SAMD3: variants seen among roughly 807,000 people sequenced by gnomAD.
The protein encoded by SAMD3 is sterile alpha motif domain-containing protein 3.
In SAMD3, 63 loss-of-function variants were observed where a neutral mutation model predicts 58.5. That is an observed-to-expected ratio of 1.08 (90% CI 0.88 to 1.33). The LOEUF (loss-of-function observed/expected upper bound fraction) is 1.33, where lower values mean the gene tolerates loss of function less well. SAMD3 is among the 40% of genes most tolerant of loss of function. The pLI, the probability that SAMD3 is intolerant of heterozygous loss-of-function variation, is 0.00. For synonymous variants in SAMD3, 220 were observed against 210.3 expected (o/e 1.05, Z -0.40); for missense variants, 604 against 608.4 (o/e 0.99, Z 0.08).
At chr6:130,181,620 TA>T (rs1792337727) in intron 7 of SAMD3, among the ~76,000 whole-genome samples, 1 of 152,226 alleles carries the variant, frequency 6.6e-6, no homozygotes, top group South Asian at 2.1e-4. Flanking sequence ...CTCACTTTGA[TA>T]ACCATCAAAC....
intron 2 of SAMD3, among the ~76,000 whole-genome samples, chr6:130,260,202 C>T (rs1027357857): frequency 5.9e-5 from 9 of 152,170 alleles, no homozygotes; most frequent in South Asian, 2.1e-4. Flanking sequence ...GCAGGTAGCC[C>T]GGTGCCTAGG....
chr6:130,186,084 C>T (rs1180137107), intron 5 of SAMD3, among the ~76,000 whole-genome samples: 1 of 152,030 alleles, frequency 6.6e-6, no homozygotes, highest in East Asian at 1.9e-4. Flanking sequence ...ATAAAGTGTC[C>T]AAGTAACAAT....
intron 1 of SAMD3, among the ~76,000 whole-genome samples, chr6:130,347,327 GA>G (rs1352946073): frequency 1.3e-5 from 2 of 151,904 alleles, no homozygotes; most frequent in South Asian, 2.1e-4. Context: ...TAAAAACCTT[GA>G]AAAAAAATTA....
At chr6:130,169,659 G>A (rs777396820) in intron 8 of SAMD3, among the ~76,000 whole-genome samples, 1 of 152,174 alleles carries the variant, frequency 6.6e-6, no homozygotes, top group Non-Finnish European at 1.5e-5. Flanking sequence ...TTCATCTTAG[G>A]ATTCAAGCAT....
chr6:130,184,026 TA>T, intron 7 of SAMD3, 76 bp downstream of exon 7: 1 of 1,130,378 alleles, frequency 8.8e-7, no homozygotes, highest in Non-Finnish European at 1.3e-6. Flanking sequence ...GGGTGAAGCA[TA>T]AAATTACTGG....
chr6:130,162,134 A>T, intron 8 of SAMD3: 1 of 627,996 alleles, frequency 1.6e-6, no homozygotes. Flanking sequence ...TAAAGAGCGT[A>T]TGCTATGCTT....
At chr6:130,344,297 T>C (rs1039892448) in intron 1 of SAMD3, among the ~76,000 whole-genome samples, 6 of 152,242 alleles carry the variant, frequency 3.9e-5, no homozygotes, top group African/African-American at 1.4e-4. Context: ...GGCAAAATCC[T>C]GGAATCTATT....
At chr6:130,315,294 T>G (rs1776324198) in intron 1 of SAMD3, among the ~76,000 whole-genome samples, 1 of 152,092 alleles carries the variant, frequency 6.6e-6, no homozygotes, top group South Asian at 2.1e-4. Context: ...AATGCAAATA[T>G]GGTTTAGAGT....
chr6:130,344,285 T>C (rs571177514), intron 1 of SAMD3, among the ~76,000 whole-genome samples: 4 of 152,358 alleles, frequency 2.6e-5, no homozygotes, highest in African/African-American at 7.2e-5. Flanking sequence ...TGTTTGCCCA[T>C]TGGCAAAATC....
intron 9 of SAMD3, among the ~76,000 whole-genome samples, chr6:130,150,427 T>G (rs78452271): frequency 0.039 from 5,923 of 152,296 alleles, 142 homozygotes; most frequent in African/African-American, 0.064. Context: ...CGCCGCTCAC[T>G]GTAACCTCTA....
At chr6:130,202,655 A>T (rs2326952) in intron 5 of SAMD3, among the ~76,000 whole-genome samples, 80,172 of 152,046 alleles carry the variant, frequency 0.53, 22,414 homozygotes, top group African/African-American at 0.69. Context: ...GTTAAGTGGG[A>T]TTTTTTGTTT....
At chr6:130,170,957 G>A (rs1791194239) in intron 8 of SAMD3, among the ~76,000 whole-genome samples, 1 of 152,114 alleles carries the variant, frequency 6.6e-6, no homozygotes, top group Non-Finnish European at 1.5e-5. Flanking sequence ...TGACTGCTCA[G>A]GCCAGAACTT....
intron 2 of SAMD3, among the ~76,000 whole-genome samples, chr6:130,312,548 C>G (rs1408604520): frequency 6.6e-6 from 1 of 152,180 alleles, no homozygotes; most frequent in Non-Finnish European, 1.5e-5. Flanking sequence ...AATTTTACCC[C>G]ATTCAGTCTG....
chr6:130,144,746 TC>T lies in SAMD3; in HGVS notation c.1336del (p.Glu446AsnfsTer6). 6.2e-7 allele frequency: 1 copy of T among 1,614,038 alleles called. No individual in the cohort carries two copies. Among genetic ancestry groups the T allele is most frequent in the East Asian group, 2.2e-5 (1 of 44,826 alleles). The part of the protein sequence containing the change: ...VKNPFNMEVC[E>X]FSLYLERERL... The stretch of plus-strand genomic sequence containing the variant: ...CTCCCTTTCTAAATATAAAGAAAAT[TC>T]GCAGACCTCCATGTTGAAAGGGTTT... On this transcript the variant is annotated frameshift_variant, in exon 12 of 12. Transcript: ENST00000439090. LOFTEE classifies it high-confidence loss of function.
intron 1 of SAMD3, among the ~76,000 whole-genome samples, chr6:130,321,646 C>T (rs1303713041): frequency 6.6e-6 from 1 of 152,038 alleles, no homozygotes; most frequent in Non-Finnish European, 1.5e-5. Context: ...CATTTTTCAT[C>T]ATTCAAAGTA....
intron 2 of SAMD3, among the ~76,000 whole-genome samples, chr6:130,230,139 G>A (rs906615930): frequency 1.3e-5 from 2 of 152,158 alleles, no homozygotes; most frequent in African/African-American, 2.4e-5. Flanking sequence ...ATAGAGTGCC[G>A]TTAAGAGTTC....
intron 1 of SAMD3, among the ~76,000 whole-genome samples, chr6:130,360,447 T>C (rs1583155622): frequency 6.6e-6 from 1 of 152,100 alleles, no homozygotes; most frequent in African/African-American, 2.4e-5. Flanking sequence ...TTCTGTGATG[T>C]CCCACAAGCC....
intron 1 of SAMD3, among the ~76,000 whole-genome samples, chr6:130,321,382 C>T (rs1221104839): frequency 2.0e-5 from 3 of 152,148 alleles, no homozygotes; most frequent in African/African-American, 7.2e-5. Flanking sequence ...AGCCCCAACC[C>T]TGATGGCTGA....
chr6:130,319,024 A>T (rs1234447798), intron 1 of SAMD3, among the ~76,000 whole-genome samples: 1 of 152,214 alleles, frequency 6.6e-6, no homozygotes. Flanking sequence ...TGGATCAATG[A>T]CAGATTAGGT....
Sources: allele counts gnomAD v4.1 joint callset (sites outside exome capture counted in the v4.1 genomes callset), GRCh38; gene constraint gnomAD v4.1.1; transcripts MANE v1.5; gene names NCBI Gene and HGNC (gene_info 2026-07-23, HGNC 2026-07-21).